The following RALGAPA1 variants were observed in gnomAD, a reference collection of about 807,000 sequenced individuals.
RALGAPA1 encodes the protein ral GTPase-activating protein subunit alpha-1.
Under a neutral mutation model 269.6 loss-of-function variants are expected in RALGAPA1, and 52 were observed. The ratio of observed to expected loss-of-function variants is 0.19; its 90% CI spans 0.15 to 0.24. The LOEUF (loss-of-function observed/expected upper bound fraction) is 0.24, where lower values mean the gene tolerates loss of function less well. RALGAPA1 is among the 10% of genes least tolerant of loss of function. The probability of loss-of-function intolerance (pLI) is 1.00; values close to 1 mark genes in which losing one functional copy is unlikely to be tolerated. For synonymous variants in RALGAPA1, 817 were observed against 1,008.3 expected, an observed-to-expected ratio of 0.81 and a Z score of 3.60; for missense variants, 1,917 against 3,013.9, an observed-to-expected ratio of 0.64 and a Z score of 8.52.
chr14:35,679,204 AG>A (rs1338415681), intron 21 of RALGAPA1, among the ~76,000 whole-genome samples: 1 of 152,226 alleles, frequency 6.6e-6, no homozygotes, highest in East Asian at 1.9e-4. Context: ...TTAAAACAGT[AG>A]GTCTTTTTAT....
chr14:35,609,031 C>G (rs2059759231), intron 35 of RALGAPA1, among the ~76,000 whole-genome samples: 1 of 152,036 alleles, frequency 6.6e-6, no homozygotes, highest in African/African-American at 2.4e-5. Flanking sequence ...TCGAGATCAT[C>G]CTGGCTAACA....
In RALGAPA1 at chr14:35,627,895, G is replaced by A. The variant is rs1171559000; in HGVS notation, c.6052C>T (p.His2018Tyr). 6 of 1,559,716 alleles carry A rather than the reference G, an allele frequency of 3.8e-6. No individual in the cohort carries two copies. In the East Asian group the frequency reaches 1.3e-4, roughly 35 times the overall value. The change falls in exon 34 of 42, where the codon CAT becomes TAT. Residue 2018 changes from histidine (H) to tyrosine (Y), a missense_variant. Physicochemically the swap from His to Tyr is moderately conservative, Grantham distance 83 (BLOSUM62 2). Around this residue, in one of 11 missense-constraint regions of RALGAPA1, gnomAD observed 346 missense variants for 566.1 expected, o/e 0.61. Coordinates refer to ENST00000680220, the MANE Select transcript of RALGAPA1 (RefSeq NM_001346249.2). ...TAATGGCCCAGGTGATTTACCAGATGTGTAATAACAGTGCGGGCTGCTATA... is the reference window on the plus strand; with the variant it reads ...TAATGGCCCAGGTGATTTACCAGATATGTAATAACAGTGCGGGCTGCTATA... ...ISIAARTVIT[H>Y]LVNHLGHYPM...
At chr14:35,755,686 C>A (rs934365719) in intron 7 of RALGAPA1, among the ~76,000 whole-genome samples, 1 of 152,082 alleles carries the variant, frequency 6.6e-6, no homozygotes, top group Non-Finnish European at 1.5e-5. Context: ...CCTCATACAC[C>A]AAAATGGTAT....
intron 1 of RALGAPA1, among the ~76,000 whole-genome samples, chr14:35,805,040 C>T (rs150787178): frequency 2.8e-4 from 43 of 152,088 alleles, no homozygotes; most frequent in Middle Eastern, 3.4e-3. Flanking sequence ...GTAATCCCAG[C>T]ACTTTGGGAG....
chr14:35,768,757 C>A (rs2074347894), intron 4 of RALGAPA1, among the ~76,000 whole-genome samples: 1 of 151,668 alleles, frequency 6.6e-6, no homozygotes, highest in South Asian at 2.1e-4. Context: ...GTCTTTAATC[C>A]CAGCACTTTG....
chr14:35,619,914 C>G lies in RALGAPA1; in HGVS notation c.6929+5447G>C, dbSNP rs143880818. Reference sequence around the variant, plus strand: ...AAACCAAAAACAGTCCAGGACCAGACGGATTCACAGCCAAATTCTACCAGA... The same window carrying G: ...AAACCAAAAACAGTCCAGGACCAGAGGGATTCACAGCCAAATTCTACCAGA... On this transcript the variant is annotated intron_variant, in intron 35 of 41. Coordinates refer to ENST00000680220, the MANE Select transcript of RALGAPA1 (RefSeq NM_001346249.2). 6.3e-3 allele frequency among the ~76,000 whole-genome samples: 953 copies of G among 152,240 alleles called. 24 individuals are homozygous for G. The highest frequency in any genetic ancestry group is 0.034 in the East Asian group (176 of 5,178).
At chr14:35,566,549 T>C (rs1042131146) in intron 39 of RALGAPA1, among the ~76,000 whole-genome samples, 2 of 152,124 alleles carry the variant, frequency 1.3e-5, no homozygotes, top group Non-Finnish European at 2.9e-5. Context: ...GATTAACTGG[T>C]GGTTTCCAAA....
chr14:35,581,586 T>C (rs946529818), intron 37 of RALGAPA1, among the ~76,000 whole-genome samples: 1 of 152,138 alleles, frequency 6.6e-6, no homozygotes, highest in Non-Finnish European at 1.5e-5. Context: ...AATAAGACAT[T>C]TCTCCAAAGA....
In RALGAPA1 at chr14:35,743,170, A is replaced by AT. The variant is rs200797761; in HGVS notation, c.1252-606dup. On this transcript the variant is annotated intron_variant, in intron 10 of 41. Coordinates refer to ENST00000680220, the MANE Select transcript of RALGAPA1 (RefSeq NM_001346249.2). Reference sequence around the variant, plus strand: ...AGACAGTGGCCCCTGCTGGGAATCTATTTTTTTTTTTTGCCATCAACATTA... The same window carrying AT: ...AGACAGTGGCCCCTGCTGGGAATCTATTTTTTTTTTTTTGCCATCAACATTA... Among the ~76,000 whole-genome samples the AT allele has an allele frequency of 1.5e-3, 222 of 144,562 alleles. 1 individual carries two copies. Among genetic ancestry groups the AT allele is most frequent in the African/African-American group, 3.7e-3 (146 of 39,606 alleles). 94.8% of individuals were successfully genotyped at this position (144,562 alleles called of 152,430 possible).
Position 35,539,540 on chromosome 14 carries a change from C to T in RALGAPA1, c.*174G>A. 6.2e-7 allele frequency: 1 copy of T among 1,611,964 alleles called. No individual in the cohort carries two copies. Among genetic ancestry groups the T allele is most frequent in the Non-Finnish European group, 8.5e-7 (1 of 1,179,748 alleles). ...CTGATCACTGCTGGGCTGCTTGTCT[C>T]CTTAGGATTTATTGGCTGAGCCAGA... On this transcript the variant is annotated 3_prime_UTR_variant, in exon 42 of 42. Transcript: ENST00000680220.
At chr14:35,635,373 A>G in intron 32 of RALGAPA1, 91 bp downstream of exon 32, 1 of 1,357,312 alleles carries the variant, frequency 7.4e-7, no homozygotes, top group Non-Finnish European at 9.7e-7. Context: ...TCTAGCTCTA[A>G]AAGAATAAAA....
At chr14:35,607,457 C>T (rs2059666181) in intron 35 of RALGAPA1, among the ~76,000 whole-genome samples, 1 of 152,162 alleles carries the variant, frequency 6.6e-6, no homozygotes, top group African/African-American at 2.4e-5. Context: ...GCTCTCCCTC[C>T]CTCCCTCTCT....
intron 21 of RALGAPA1, among the ~76,000 whole-genome samples, chr14:35,680,011 T>G (rs1460306857): frequency 6.6e-6 from 1 of 152,128 alleles, no homozygotes; most frequent in Admixed American, 6.5e-5. Context: ...ACTTAAGTAT[T>G]CTATATCTTA....
At chr14:35,658,857 A>G (rs376113026) in intron 28 of RALGAPA1, among the ~76,000 whole-genome samples, 1 of 152,054 alleles carries the variant, frequency 6.6e-6, no homozygotes, top group African/African-American at 2.4e-5. Flanking sequence ...TAACTGAACA[A>G]TAAACAAAAT....
intron 41 of RALGAPA1, chr14:35,541,684 T>C (rs761147785): frequency 2.2e-6 from 1 of 456,144 alleles, no homozygotes; most frequent in Non-Finnish European, 4.4e-6. Flanking sequence ...CTCATGCTTT[T>C]CTGGTAATGC....
chr14:35,725,409 G>A (rs2069801954), intron 13 of RALGAPA1, among the ~76,000 whole-genome samples: 1 of 152,090 alleles, frequency 6.6e-6, no homozygotes. Context: ...TGAGGAACTG[G>A]AAGTGATAAT....
Position 35,748,758 on chromosome 14 carries a change from T to C in RALGAPA1, c.1078A>G (p.Thr360Ala). ...GAATGAGACTGTTCGGGTTCTGTAG[T>C]TCTGTCTGTTTTATCAGCATTATCA... The part of the protein sequence containing the change: ...KNDNADKTDR[T>A]TEPEQSHSNT... Residue 360 changes from threonine (T) to alanine (A), a missense_variant, in exon 10 of 42, where the codon ACT (threonine) becomes GCT (alanine). Physicochemically the swap from Thr to Ala is moderately conservative, Grantham distance 58. Transcript: ENST00000680220. The C allele has an allele frequency of 6.2e-7, 1 of 1,613,332 alleles. No individual in the cohort carries two copies. Among genetic ancestry groups the C allele is most frequent in the Non-Finnish European group, 8.5e-7 (1 of 1,179,810 alleles).
At chr14:35,720,089 A>G (rs1391349307) in intron 16 of RALGAPA1, among the ~76,000 whole-genome samples, 1 of 152,238 alleles carries the variant, frequency 6.6e-6, no homozygotes, top group Non-Finnish European at 1.5e-5. Flanking sequence ...TATAATTGTG[A>G]CATTAATATA....
At chr14:35,756,748 A>G (rs753775221) in intron 7 of RALGAPA1, 45 bp downstream of exon 7, 1 of 1,291,570 alleles carries the variant, frequency 7.7e-7, no homozygotes, top group South Asian at 1.3e-5. Context: ...GGAATCACCC[A>G]CATAGGATAG....
Sources: gnomAD v4.1 joint callset for allele counts (sites outside exome capture counted in the v4.1 genomes callset) on GRCh38, gnomAD v4.1.1 for gene constraint, gnomAD v4.1.1 regional missense constraint, MANE v1.5 for transcripts, NCBI Gene and HGNC (gene_info 2026-07-23, HGNC 2026-07-21) for gene names.